The following BCAS4 variants were observed in gnomAD, a reference collection of about 807,000 sequenced individuals.
BCAS4 encodes breast carcinoma amplified sequence 4.
A neutral mutation model predicts 15.7 loss-of-function variants in BCAS4; 9 were observed. That is an observed-to-expected ratio of 0.57 (90% CI 0.34 to 1.00). The LOEUF is 1.00. BCAS4 is among the 50% of genes least tolerant of loss of function. The pLI is 0.02. For missense variants in BCAS4, 225 were observed against 239.1 expected (o/e 0.94, Z 0.39); for synonymous variants, 101 against 99.5 (o/e 1.02, Z -0.09).
chr20:50,859,103 TTTA>T (rs952890840), intron 4 of BCAS4, among the ~76,000 whole-genome samples: 1 of 151,720 alleles, frequency 6.6e-6, no homozygotes, highest in Non-Finnish European at 1.5e-5. Flanking sequence ...GCCCGGCTAA[TTTA>T]TTATTATTAT....
chr20:50,832,046 G>C (rs2088349844), intron 3 of BCAS4, among the ~76,000 whole-genome samples: 1 of 152,208 alleles, frequency 6.6e-6, no homozygotes, highest in Admixed American at 6.5e-5. Flanking sequence ...GGCTGGCCCA[G>C]CTGTCAGGCC....
intron 3 of BCAS4, among the ~76,000 whole-genome samples, chr20:50,830,725 C>T (rs1190920581): frequency 6.6e-6 from 1 of 152,128 alleles, no homozygotes; most frequent in Non-Finnish European, 1.5e-5. Context: ...TGGTGCATGC[C>T]TCTAGTCCCA....
intron 4 of BCAS4, among the ~76,000 whole-genome samples, chr20:50,871,809 G>A (rs528447039): frequency 1.2e-4 from 18 of 152,152 alleles, no homozygotes; most frequent in Admixed American, 1.3e-4. Flanking sequence ...AGCAAGAATC[G>A]CAGTGGCCCT....
At chr20:50,830,437 T>C (rs1568666384) in intron 3 of BCAS4, 57 bp downstream of exon 3, 3 of 1,450,162 alleles carry the variant, frequency 2.1e-6, no homozygotes, top group East Asian at 4.6e-5. Context: ...CTTTTGCCTT[T>C]TCCGCAAAGA....
chr20:50,804,567 G>A (rs906972668), intron 1 of BCAS4, among the ~76,000 whole-genome samples: 1 of 152,202 alleles, frequency 6.6e-6, no homozygotes, highest in Non-Finnish European at 1.5e-5. Flanking sequence ...CAAATATGTA[G>A]GATAAATACC....
At chr20:50,802,874 A>C (rs1217449100) in intron 1 of BCAS4, among the ~76,000 whole-genome samples, 1 of 151,884 alleles carries the variant, frequency 6.6e-6, no homozygotes, top group Non-Finnish European at 1.5e-5. Context: ...ACTCCATCTC[A>C]AAAAACAAAC....
intron 4 of BCAS4, among the ~76,000 whole-genome samples, chr20:50,855,309 C>T (rs1201366793): frequency 1.3e-5 from 2 of 152,178 alleles, no homozygotes; most frequent in Non-Finnish European, 2.9e-5. Flanking sequence ...TGTGTCACTG[C>T]CTGGATCCAT....
intron 2 of BCAS4, among the ~76,000 whole-genome samples, chr20:50,818,493 G>A (rs915805228): frequency 6.6e-6 from 1 of 152,206 alleles, no homozygotes; most frequent in Admixed American, 6.5e-5. Context: ...GCTTCCTGAG[G>A]CGGCCATCTT....
At chr20:50,857,439 T>C (rs567468801) in intron 4 of BCAS4, among the ~76,000 whole-genome samples, 1 of 152,326 alleles carries the variant, frequency 6.6e-6, no homozygotes, top group South Asian at 2.1e-4. Context: ...CTGAACGCTA[T>C]TTTCTAAGCA....
In BCAS4 at chr20:50,806,411, A is replaced by G. The variant is rs528468931; in HGVS notation, c.90+11238A>G. ...TCTTCCTTTCTTTTCTGCAGTGAATATTCATGAGCACTGTATTGATTACCA... is the reference window on the plus strand; with the variant it reads ...TCTTCCTTTCTTTTCTGCAGTGAATGTTCATGAGCACTGTATTGATTACCA... On this transcript the variant is annotated intron_variant, in intron 1 of 4. Transcript: ENST00000371608. 5.3e-5 allele frequency among the ~76,000 whole-genome samples: 8 copies of G among 152,248 alleles called. No individual in the cohort carries two copies. The East Asian group carries it at 9.7e-4, about 18-fold the overall frequency.
chr20:50,867,924 A>G (rs1979436653), intron 4 of BCAS4, among the ~76,000 whole-genome samples: 2 of 152,022 alleles, frequency 1.3e-5, no homozygotes, highest in African/African-American at 4.8e-5. Flanking sequence ...AAAAACAAAC[A>G]AACAAAAACA....
chr20:50,852,829 C>T (rs958312474), intron 4 of BCAS4, among the ~76,000 whole-genome samples: 8 of 152,200 alleles, frequency 5.3e-5, no homozygotes, highest in South Asian at 4.1e-4. Flanking sequence ...CTGCAGTGAC[C>T]GGGCAGCACC....
intron 1 of BCAS4, among the ~76,000 whole-genome samples, chr20:50,800,331 G>C (rs1413957113): frequency 6.6e-6 from 1 of 152,000 alleles, no homozygotes; most frequent in Non-Finnish European, 1.5e-5. Flanking sequence ...GAAGCAGGGG[G>C]TTTTTGGGGG....
chr20:50,796,470 TATATATATATA>T (rs2087860056), intron 1 of BCAS4, among the ~76,000 whole-genome samples: 7 of 12,628 alleles, frequency 5.5e-4, no homozygotes, highest in Non-Finnish European at 9.2e-4. Flanking sequence ...TATATATATA[TATATATATATA>T]TATATATTTT....
intron 3 of BCAS4, among the ~76,000 whole-genome samples, chr20:50,834,809 A>G (rs563286792): frequency 2.6e-5 from 4 of 152,138 alleles, no homozygotes; most frequent in African/African-American, 7.2e-5. Flanking sequence ...CATACCATAT[A>G]TGGCCTTCTG....
intron 1 of BCAS4, among the ~76,000 whole-genome samples, chr20:50,816,275 C>G (rs1253313447): frequency 6.6e-6 from 1 of 152,222 alleles, no homozygotes; most frequent in African/African-American, 2.4e-5. Context: ...ATCTGCCCAC[C>G]TTGGCCTCCC....
chr20:50,863,112 G>A (rs1318922358), intron 4 of BCAS4, among the ~76,000 whole-genome samples: 1 of 151,746 alleles, frequency 6.6e-6, no homozygotes, highest in Non-Finnish European at 1.5e-5. Context: ...TTACAGGCAT[G>A]AGCCACCATG....
intron 2 of BCAS4, among the ~76,000 whole-genome samples, chr20:50,820,021 T>C (rs972461037): frequency 1.3e-5 from 2 of 151,628 alleles, no homozygotes; most frequent in Non-Finnish European, 2.9e-5. Context: ...TGGCTAATTT[T>C]TGTATTTTTA....
chr20:50,828,239 G>A (rs1004411216), intron 2 of BCAS4, among the ~76,000 whole-genome samples: 1 of 151,928 alleles, frequency 6.6e-6, no homozygotes, highest in Admixed American at 6.6e-5. Flanking sequence ...TGGACACCTA[G>A]AGCTAGGTGC....
Sources: allele counts gnomAD v4.1 joint callset (sites outside exome capture counted in the v4.1 genomes callset), GRCh38; gene constraint gnomAD v4.1.1; transcripts MANE v1.5; gene names NCBI Gene and HGNC (gene_info 2026-07-23, HGNC 2026-07-21).